Variants in DIPK1B observed in about 807,000 individuals in gnomAD.
DIPK1B encodes the protein family with sequence similarity 69 member B.
In DIPK1B, 17 loss-of-function variants were observed where a neutral mutation model predicts 20.7. That is an observed-to-expected ratio of 0.82 (90% confidence interval 0.56 to 1.23). The LOEUF is 1.23. DIPK1B is among the 50% of genes most tolerant of loss of function. DIPK1B has a pLI of 0.00. For synonymous variants in DIPK1B, 343 were observed against 276.5 expected, an observed-to-expected ratio of 1.24 and a Z score of -2.39; for missense variants, 648 against 601.8, an observed-to-expected ratio of 1.08 and a Z score of -0.80.
intron 2 of DIPK1B, among the ~76,000 whole-genome samples, chr9:136,720,037 G>A (rs1247306956): frequency 6.7e-6 from 1 of 150,192 alleles, no homozygotes; most frequent in Non-Finnish European, 1.5e-5. Flanking sequence ...CAGGCGCAGG[G>A]GCTGGTCTGG....
intron 2 of DIPK1B, among the ~76,000 whole-genome samples, chr9:136,719,073 C>T (rs1054900404): frequency 1.3e-4 from 19 of 144,732 alleles, no homozygotes; most frequent in African/African-American, 4.1e-4. Flanking sequence ...GGCTGTGCCC[C>T]GATCAGATGC....
chr9:136,717,569 C>T lies in DIPK1B; in HGVS notation c.64-8C>T. On this transcript the variant is annotated splice_polypyrimidine_tract_variant and splice_region_variant and intron_variant, in intron 1 of 4. Transcript: ENST00000371692. ...GGGCACCTCCTCACGCAGCCCCTTC[C>T]CCCACAGGGCCGGCTCCCAGGCCTC... is the stretch of plus-strand genomic sequence containing the variant. The T allele has an allele frequency of 6.3e-7, 1 of 1,597,648 alleles. No homozygotes were observed. Among genetic ancestry groups the T allele is most frequent in the Non-Finnish European group, 8.5e-7 (1 of 1,179,142 alleles).
rs1268097831 is a variant in DIPK1B, at chr9:136,723,806, G to A, written c.*32G>A. ...AGTGAGGGGCCTGGCCACCCTTCCT[G>A]GAGCTGGCCAGGTGCCAGGGTCCAA... is the stretch of plus-strand genomic sequence containing the variant. On this transcript the variant is annotated 3_prime_UTR_variant, in exon 5 of 5. Transcript: ENST00000371692. 90 of 1,523,752 alleles carry A rather than the reference G, an allele frequency of 5.9e-5. No individual in the cohort carries two copies. Among genetic ancestry groups the A allele is most frequent in the Non-Finnish European group, 7.7e-5 (88 of 1,139,220 alleles). The allele number at this position is 1,523,752 out of a possible 1,614,324, so 94.4% of individuals were successfully genotyped here. A position where few individuals can be genotyped will look rare whatever the true frequency, so the allele number is the denominator to read the frequency against.
rs1004544220 is a variant in DIPK1B at position 136,721,856 on chromosome 9, G to A, written c.199-65G>A. On this transcript the variant is annotated intron_variant, in intron 2 of 4. Transcript: ENST00000371692. The stretch of plus-strand genomic sequence containing the variant: ...GGCCCCTGCCAGCTTCGGGCCTGTG[G>A]GCAGGGGCTCAGTGGGGCAGGGGTG... The A allele has an allele frequency of 8.8e-6, 13 of 1,482,832 alleles. No individual in the cohort carries two copies. In the African/African-American group the frequency reaches 1.5e-4, roughly 17 times the overall value. The allele number at this position is 1,482,832 out of a possible 1,614,324, so 91.9% of individuals were successfully genotyped here.
chr9:136,713,981 G>A (rs1191443284), intron 1 of DIPK1B, among the ~76,000 whole-genome samples: 1 of 152,198 alleles, frequency 6.6e-6, no homozygotes, highest in South Asian at 2.1e-4. Flanking sequence ...ACCGGGAGCT[G>A]GTCCCCACCT....
intron 4 of DIPK1B, chr9:136,722,530 G>C (rs1846623506): frequency 1.7e-6 from 1 of 605,026 alleles, no homozygotes. Flanking sequence ...CTGAGGTCGA[G>C]GGGAGGCTCC....
In DIPK1B at chr9:136,723,524, C is replaced by G. The variant is rs769407577; in HGVS notation, c.1046C>G (p.Pro349Arg). 6.2e-7 allele frequency: 1 copy of G among 1,600,358 alleles called. No homozygotes were observed. The highest frequency in any genetic ancestry group is 1.1e-5 in the South Asian group (1 of 89,590). The change falls in exon 5 of 5, where the codon CCG becomes CGG. Residue 349 changes from proline (P) to arginine (R), a missense_variant. Coordinates refer to ENST00000371692, the MANE Select transcript of DIPK1B (RefSeq NM_152421.4). ...ACCTACGGGCGCGACTGCAGGGCCC[C>G]GTGTGACAGGCTCATGAGGCAGTGC... ...DCTYGRDCRAPCDRLMRQCKG... is the reference protein window; with the variant it reads ...DCTYGRDCRARCDRLMRQCKG...
intron 4 of DIPK1B, 73 bp from the exon 5 acceptor site, chr9:136,722,889 C>T (rs1588286183): frequency 6.9e-7 from 1 of 1,441,932 alleles, no homozygotes; most frequent in African/African-American, 1.4e-5. Flanking sequence ...CCAGGAGGAC[C>T]AGGTAAAGGC....
Position 136,712,639 on chromosome 9 carries a change from C to A in DIPK1B, c.-27C>A. 5 of 1,137,936 alleles carry A rather than the reference C, an allele frequency of 4.4e-6. No individual in the cohort carries two copies. Among genetic ancestry groups the A allele is most frequent in the Non-Finnish European group, 5.4e-6 (5 of 926,724 alleles). 70.5% of individuals were successfully genotyped at this position (1,137,936 alleles called of 1,614,324 possible). A position where few individuals can be genotyped will look rare whatever the true frequency, so the allele number is the denominator to read the frequency against. On this transcript the variant is annotated 5_prime_UTR_variant, in exon 1 of 5. Coordinates refer to ENST00000371692, the MANE Select transcript of DIPK1B (RefSeq NM_152421.4). The surrounding 1 kb of genome is among the most constrained non-coding windows in gnomAD (Gnocchi z 5.6). ...GGCTGAGGCCGAGCGAGCCGCGGGG[C>A]CCGCGCAGCCCCGGCCGGAGCCCAC...
rs774747603 is a variant in DIPK1B, at chr9:136,723,672, G to A, written c.1194G>A (p.Thr398=). 28 of 1,546,116 alleles carry A rather than the reference G, an allele frequency of 1.8e-5. No individual in the cohort carries two copies. The Admixed American group carries it at 1.9e-4, about 11-fold the overall frequency. Residue 398 remains threonine (T), a synonymous_variant, in exon 5 of 5, where the codon ACG becomes ACA. Transcript: ENST00000371692. The part of the protein sequence containing the change: ...ELGTQLRTCT[T]LSGLASQVEA... ...GCACACAGCTGCGCACCTGTACCAC[G>A]CTGAGCGGGCTGGCCAGCCAGGTGG...
intron 4 of DIPK1B, 97 bp from the exon 5 acceptor site, chr9:136,722,865 G>T: frequency 1.5e-6 from 2 of 1,318,890 alleles, no homozygotes; most frequent in Middle Eastern, 2.2e-4. Context: ...TGGTCTGGCC[G>T]GCAGACCACC....
At chr9:136,718,655 G>A (rs1307443326) in intron 2 of DIPK1B, among the ~76,000 whole-genome samples, 1 of 152,208 alleles carries the variant, frequency 6.6e-6, no homozygotes, top group African/African-American at 2.4e-5. Context: ...GGGCATAGAA[G>A]GATCTGGCCT....
At chr9:136,714,958 G>A (rs1472867496) in intron 1 of DIPK1B, among the ~76,000 whole-genome samples, 1 of 152,274 alleles carries the variant, frequency 6.6e-6, no homozygotes, top group African/African-American at 2.4e-5. Flanking sequence ...CCTCGTTGAG[G>A]AGCTGGTGGC....
Position 136,723,906 on chromosome 9 carries a change from T to G in DIPK1B, c.*132T>G. 1 of 958,790 alleles carries G rather than the reference T, an allele frequency of 1.0e-6. No individual in the cohort carries two copies. Among genetic ancestry groups the G allele is most frequent in the Non-Finnish European group, 1.5e-6 (1 of 659,100 alleles). The allele number at this position is 958,790 out of a possible 1,614,324, so 59.4% of individuals were successfully genotyped here. ...AAAATCACTCCCCTACCGTCAGGGC[T>G]CTGGATTCCAGCACCACAGACATGA... On this transcript the variant is annotated 3_prime_UTR_variant, in exon 5 of 5. Transcript: ENST00000371692.
intron 1 of DIPK1B, among the ~76,000 whole-genome samples, chr9:136,715,200 A>G (rs973659229): frequency 9.2e-5 from 14 of 152,138 alleles, no homozygotes; most frequent in African/African-American, 3.1e-4. Flanking sequence ...TGGGCCCTTC[A>G]CCCTTCAGCT....
intron 1 of DIPK1B, among the ~76,000 whole-genome samples, chr9:136,714,222 C>T (rs377181751): frequency 6.6e-6 from 1 of 152,202 alleles, no homozygotes; most frequent in Non-Finnish European, 1.5e-5. Flanking sequence ...CCTGTAATGC[C>T]AGGCCTTAAT....
In DIPK1B at chr9:136,722,239, G is replaced by A. The variant is rs1309636629; in HGVS notation, c.421G>A (p.Asp141Asn). 2.5e-6 allele frequency: 4 copies of A among 1,613,820 alleles called. No homozygotes were observed. Among genetic ancestry groups the A allele is most frequent in the South Asian group, 1.1e-5 (1 of 91,084 alleles). The change falls in exon 4 of 5, where the codon GAC (aspartate) becomes AAC (asparagine). Residue 141 changes from aspartate (D) to asparagine (N), a missense_variant. Coordinates refer to ENST00000371692, the MANE Select transcript of DIPK1B (RefSeq NM_152421.4). ...CCCCCGGCGGGAGCTGGTACTGTTT[G>A]ACAAGCCCACCCGGGGCACCTCCAT... ...AAPRRELVLF[D>N]KPTRGTSIKE...
Position 136,722,018 on chromosome 9 carries a change from C to CG in DIPK1B, c.299dup (p.Gln101ProfsTer20). ...TGGAGGACCTGCCTCTCGGTGGCCC[C>CG]GGGCCAGCAGGTATAGCCACTGGCA... On this transcript the variant is annotated frameshift_variant, in exon 3 of 5. Transcript: ENST00000371692. LOFTEE classifies it high-confidence loss of function. 3 of 1,613,080 alleles carry CG rather than the reference C, an allele frequency of 1.9e-6. No homozygotes were observed. The highest frequency in any genetic ancestry group is 2.5e-6 in the Non-Finnish European group (3 of 1,179,904).
At chr9:136,720,486 G>A (rs1243859140) in intron 2 of DIPK1B, among the ~76,000 whole-genome samples, 1 of 152,166 alleles carries the variant, frequency 6.6e-6, no homozygotes, top group African/African-American at 2.4e-5. Flanking sequence ...CCCCAGAGGG[G>A]CGGGCCAGCT....
Sources: allele counts gnomAD v4.1 joint callset (sites outside exome capture counted in the v4.1 genomes callset), GRCh38; gene constraint gnomAD v4.1.1; non-coding constraint Gnocchi (gnomAD v3.1); transcripts MANE v1.5; gene names NCBI Gene and HGNC (gene_info 2026-07-23, HGNC 2026-07-21).